Variants in PCNX1 observed in about 807,000 individuals in gnomAD.
PCNX1 encodes the protein pecanex 1.
PCNX1 carries 78 observed loss-of-function variants against 242.2 expected under a neutral mutation model. The observed-to-expected ratio is 0.32, with a 90% confidence interval of 0.27 to 0.39. The LOEUF (loss-of-function observed/expected upper bound fraction) is 0.39. PCNX1 is among the 10% of genes least tolerant of loss of function. PCNX1 has a pLI of 1.00. For synonymous variants in PCNX1, 1,024 were observed against 1,032.9 expected (o/e 0.99, Z 0.17); for missense variants, 2,581 against 2,856.5 (o/e 0.90, Z 2.20).
Position 71,045,133 on chromosome 14 carries a change from C to A in PCNX1, c.3868C>A (p.Pro1290Thr). The change falls in exon 20 of 36, where the codon CCT (proline) becomes ACT (threonine). Residue 1290 changes from proline (P) to threonine (T), a missense_variant and splice_region_variant. Physicochemically the swap from Pro to Thr is conservative, Grantham distance 38. This residue lies in a region of PCNX1 where 432 missense variants were observed against 443.1 expected (regional missense o/e 0.97). Transcript: ENST00000304743. ...TTATCACTTCTATTATTTTTTTTAG[C>A]CTGCCCTCAAGTATGTGTTGTATAC... ...HVSTVFTVLQ[P>T]ALKYVLYTLV... 3 of 1,572,260 alleles carry A rather than the reference C, an allele frequency of 1.9e-6. No homozygotes were observed. The highest frequency in any genetic ancestry group is 2.6e-6 in the Non-Finnish European group (3 of 1,163,404).
intron 1 of PCNX1, among the ~76,000 whole-genome samples, chr14:70,932,559 A>G (rs1028939043): frequency 3.3e-5 from 5 of 151,848 alleles, no homozygotes; most frequent in African/African-American, 9.7e-5. Flanking sequence ...TCAAATAGTG[A>G]CATGTCTATT....
chr14:71,089,662 TG>T (rs978279347), intron 30 of PCNX1, among the ~76,000 whole-genome samples: 1 of 152,172 alleles, frequency 6.6e-6, no homozygotes, highest in African/African-American at 2.4e-5. Flanking sequence ...AACAGCAGCA[TG>T]GGGGTAACTG....
intron 16 of PCNX1, chr14:71,031,811 C>T: frequency 6.7e-7 from 1 of 1,485,816 alleles, no homozygotes. Context: ...CATAGCTTGG[C>T]AGCGAGGAGA....
intron 28 of PCNX1, among the ~76,000 whole-genome samples, chr14:71,084,009 G>T (rs2061921603): frequency 6.6e-6 from 1 of 152,162 alleles, no homozygotes; most frequent in Non-Finnish European, 1.5e-5. Context: ...GGTCTTTGAT[G>T]CTGGTGACCT....
intron 2 of PCNX1, among the ~76,000 whole-genome samples, chr14:70,951,477 C>T (rs886855529): frequency 1.7e-4 from 26 of 152,014 alleles, no homozygotes; most frequent in African/African-American, 4.8e-4. Context: ...CAGGTTCAAA[C>T]GGTTCTCCTG....
chr14:71,095,635 C>T (rs1324340733), intron 30 of PCNX1, among the ~76,000 whole-genome samples: 2 of 152,074 alleles, frequency 1.3e-5, no homozygotes, highest in Non-Finnish European at 2.9e-5. Flanking sequence ...GTGATATGCT[C>T]CTTTTTAAAA....
chr14:70,993,111 A>G, intron 7 of PCNX1, among the ~76,000 whole-genome samples: 1 of 144,304 alleles, frequency 6.9e-6, no homozygotes, highest in South Asian at 2.2e-4. Flanking sequence ...TTTAATAAAA[A>G]TTATCTAAAT....
At chr14:70,955,843 A>T (rs1312102069) in intron 2 of PCNX1, among the ~76,000 whole-genome samples, 1 of 152,142 alleles carries the variant, frequency 6.6e-6, no homozygotes, top group Non-Finnish European at 1.5e-5. Context: ...AAAGAAGTGC[A>T]GAAATTTTAC....
intron 7 of PCNX1, among the ~76,000 whole-genome samples, chr14:70,991,093 T>C (rs1315320369): frequency 2.0e-5 from 3 of 152,174 alleles, no homozygotes; most frequent in Non-Finnish European, 4.4e-5. Context: ...AGGTGGAATA[T>C]TAAAGAGCTG....
intron 30 of PCNX1, among the ~76,000 whole-genome samples, chr14:71,096,017 A>C (rs541588543): frequency 1.3e-5 from 2 of 152,094 alleles, no homozygotes; most frequent in African/African-American, 4.8e-5. Context: ...CTCTACAAAA[A>C]ATTTTTTAAA....
Position 71,113,865 on chromosome 14 carries a change from G to GTA in PCNX1, c.*3931_*3932insAT, listed in dbSNP as rs2062802492. ...AGCCTTTTCTGGGGTGTGTGTGTGT[G>GTA]TGTATGTTTGTTTTTTAAGTCGTCA... On this transcript the variant is annotated 3_prime_UTR_variant, in exon 36 of 36. Coordinates refer to ENST00000304743, the MANE Select transcript of PCNX1 (RefSeq NM_014982.3). 1 of 152,226 alleles carries GTA rather than the reference G, an allele frequency of 6.6e-6. No homozygotes were observed. The highest frequency in any genetic ancestry group is 1.5e-5 in the Non-Finnish European group (1 of 68,004). 9.4% of individuals were successfully genotyped at this position (152,226 alleles called of 1,614,324 possible). A position where few individuals can be genotyped will look rare whatever the true frequency, so the allele number is the denominator to read the frequency against.
intron 32 of PCNX1, 119 bp downstream of exon 32, chr14:71,103,788 C>A: frequency 2.5e-6 from 2 of 792,688 alleles, no homozygotes; most frequent in Non-Finnish European, 4.0e-6. Context: ...ACAATATGAA[C>A]CCATTATTTC....
chr14:70,989,569 G>A (rs1213462233), intron 7 of PCNX1, among the ~76,000 whole-genome samples: 1 of 105,642 alleles, frequency 9.5e-6, no homozygotes, highest in African/African-American at 3.8e-5. Flanking sequence ...ACACTCTGTT[G>A]CCCAGGCAGG....
intron 2 of PCNX1, among the ~76,000 whole-genome samples, chr14:70,954,118 T>A (rs1158068475): frequency 1.3e-5 from 2 of 152,242 alleles, no homozygotes. Flanking sequence ...TAAGGCTTAT[T>A]TTTTTCTTTA....
At chr14:71,051,117 G>A (rs2061016417) in intron 23 of PCNX1, among the ~76,000 whole-genome samples, 1 of 138,494 alleles carries the variant, frequency 7.2e-6, no homozygotes, top group African/African-American at 2.7e-5. Flanking sequence ...GCAGTGAGCC[G>A]AGATTGCGCC....
chr14:71,098,483 C>T (rs1238640101), intron 30 of PCNX1, among the ~76,000 whole-genome samples: 3 of 147,294 alleles, frequency 2.0e-5, no homozygotes, highest in Non-Finnish European at 3.0e-5. Context: ...TTGTAGAGAT[C>T]TTTGGCCTCC....
chr14:70,984,838 A>G (rs1036353162), intron 6 of PCNX1, among the ~76,000 whole-genome samples: 8 of 152,170 alleles, frequency 5.3e-5, no homozygotes, highest in African/African-American at 1.9e-4. Flanking sequence ...AGTGCCTTTA[A>G]TGCTTTCTAT....
At chr14:71,063,129 T>G (rs2061366305) in intron 26 of PCNX1, among the ~76,000 whole-genome samples, 1 of 152,180 alleles carries the variant, frequency 6.6e-6, no homozygotes, top group Admixed American at 6.6e-5. Flanking sequence ...ATGCAACATG[T>G]GACTGTTTAT....
intron 7 of PCNX1, among the ~76,000 whole-genome samples, chr14:70,990,258 T>TAA (rs199782904): frequency 1.2e-4 from 18 of 151,012 alleles, no homozygotes; most frequent in African/African-American, 3.4e-4. Flanking sequence ...TCTTTTAAAT[T>TAA]AAAAAAAAAT....
Sources: gnomAD v4.1 joint callset for allele counts (sites outside exome capture counted in the v4.1 genomes callset) on GRCh38, gnomAD v4.1.1 for gene constraint, gnomAD v4.1.1 regional missense constraint, MANE v1.5 for transcripts, NCBI Gene and HGNC (gene_info 2026-07-23, HGNC 2026-07-21) for gene names.